The following ERI3 variants were observed in gnomAD, a reference collection of about 807,000 sequenced individuals.
The protein encoded by ERI3 is ERI1 exoribonuclease family member 3.
A neutral mutation model predicts 44.4 loss-of-function variants in ERI3; 18 were observed. The ratio of observed to expected loss-of-function variants is 0.41; its 90% CI spans 0.28 to 0.60. The LOEUF is 0.60. Among genes scored for constraint, ERI3 ranks in the 20% least tolerant of loss-of-function variants. The pLI is 0.36. For synonymous variants in ERI3, 183 were observed against 164.8 expected (o/e 1.11, Z -0.84); for missense variants, 294 against 435.5 (o/e 0.68, Z 2.89).
intron 4 of ERI3, among the ~76,000 whole-genome samples, chr1:44,318,997 C>T (rs1418123012): frequency 6.6e-6 from 1 of 152,184 alleles, no homozygotes. Context: ...TTTGAGCCTC[C>T]AGCAATCATT....
At chr1:44,248,120 C>T in intron 7 of ERI3, 82 bp from the exon 8 acceptor site, 5 of 859,858 alleles carry the variant, frequency 5.8e-6, no homozygotes. Flanking sequence ...CCCCACCCCC[C>T]AAATCTTTCC....
At chr1:44,267,809 GC>G (rs1436669001) in intron 7 of ERI3, among the ~76,000 whole-genome samples, 2 of 152,148 alleles carry the variant, frequency 1.3e-5, no homozygotes, top group Non-Finnish European at 2.9e-5. Flanking sequence ...AAGCCTACCT[GC>G]CCACACCCAC....
intron 6 of ERI3, among the ~76,000 whole-genome samples, 154 bp from the exon 7 acceptor site, chr1:44,285,061 C>T (rs1327460496): frequency 6.6e-6 from 1 of 152,154 alleles, no homozygotes; most frequent in Non-Finnish European, 1.5e-5. Context: ...GAAAGGGAAC[C>T]CCACCTCCAG....
intron 7 of ERI3, among the ~76,000 whole-genome samples, chr1:44,275,807 C>T (rs1557810828): frequency 6.6e-6 from 1 of 152,184 alleles, no homozygotes; most frequent in African/African-American, 2.4e-5. Flanking sequence ...CCAGGACTGA[C>T]TCAGAATCCT....
In ERI3 at chr1:44,248,302, G is replaced by T. The variant is rs190461745; in HGVS notation, c.832-264C>A. On this transcript the variant is annotated intron_variant, in intron 7 of 8. Transcript: ENST00000372257. The stretch of plus-strand genomic sequence containing the variant: ...GCCCCTCACCAGGACTCCTCTCTAA[G>T]GAGTTCCCGTTCACTAGGCTCCTCC... Among the ~76,000 whole-genome samples the T allele has an allele frequency of 1.4e-4, 22 of 152,194 alleles. No individual in the cohort carries two copies. In the East Asian group the frequency reaches 2.9e-3, roughly 20 times the overall value.
intron 2 of ERI3, among the ~76,000 whole-genome samples, chr1:44,348,057 A>T (rs753472844): frequency 2.4e-4 from 37 of 152,200 alleles, no homozygotes; most frequent in Admixed American, 2.6e-4. Context: ...AATGTTTGCT[A>T]AATGAATTAA....
At chr1:44,324,615 G>C (rs1038842884) in intron 3 of ERI3, among the ~76,000 whole-genome samples, 5 of 151,288 alleles carry the variant, frequency 3.3e-5, no homozygotes, top group Admixed American at 6.6e-5. Context: ...CCGAGTAGCT[G>C]GGACTACAGG....
At chr1:44,330,421 A>G (rs1030449366) in intron 3 of ERI3, among the ~76,000 whole-genome samples, 2 of 152,248 alleles carry the variant, frequency 1.3e-5, no homozygotes, top group Admixed American at 1.3e-4. Context: ...ATGCAGGGAC[A>G]GGACCCAAAC....
At chr1:44,321,757 A>G (rs1005095301) in intron 3 of ERI3, among the ~76,000 whole-genome samples, 1 of 152,158 alleles carries the variant, frequency 6.6e-6, no homozygotes, top group Non-Finnish European at 1.5e-5. Context: ...CCAGCTCCTC[A>G]CTAACAATGT....
At chr1:44,327,472 A>C (rs1646339894) in intron 3 of ERI3, among the ~76,000 whole-genome samples, 2 of 152,182 alleles carry the variant, frequency 1.3e-5, no homozygotes, top group African/African-American at 4.8e-5. Flanking sequence ...TTGAGCACTT[A>C]ATATGTTTAA....
intron 8 of ERI3, among the ~76,000 whole-genome samples, chr1:44,224,953 T>C (rs1223055030): frequency 1.3e-5 from 2 of 152,194 alleles, no homozygotes; most frequent in Admixed American, 1.3e-4. Flanking sequence ...ATTTTGTTTT[T>C]TAAAGTCTAT....
chr1:44,338,241 T>C (rs111874870), intron 3 of ERI3, among the ~76,000 whole-genome samples: 1 of 152,126 alleles, frequency 6.6e-6, no homozygotes, highest in Admixed American at 6.5e-5. Context: ...ACATCAATAA[T>C]CATTTGTTAT....
rs552287718 is a variant in ERI3, at chr1:44,221,473, C to T, written c.*85G>A. 18 of 1,119,906 alleles carry T rather than the reference C, an allele frequency of 1.6e-5. No individual in the cohort carries two copies. The highest frequency in any genetic ancestry group is 1.4e-4 in the Admixed American group (8 of 56,516). The allele number at this position is 1,119,906 out of a possible 1,614,324, so 69.4% of individuals were successfully genotyped here. ...TCTGGACACAGAGCTATGCCACTCT[C>T]CCTCTTCCCCTCTGGTGAGGGAGAG... On this transcript the variant is annotated 3_prime_UTR_variant, in exon 9 of 9. Coordinates refer to ENST00000372257, the MANE Select transcript of ERI3 (RefSeq NM_024066.3). The surrounding 1 kb of genome is among the most constrained non-coding windows in gnomAD (Gnocchi z 5.9).
chr1:44,281,274 C>T (rs991889222), intron 7 of ERI3, among the ~76,000 whole-genome samples: 2 of 152,134 alleles, frequency 1.3e-5, no homozygotes, highest in African/African-American at 4.8e-5. Context: ...CAGTACCTGG[C>T]ACACAGAAGG....
intron 6 of ERI3, among the ~76,000 whole-genome samples, chr1:44,297,563 A>G (rs1645636150): frequency 6.6e-6 from 1 of 152,168 alleles, no homozygotes; most frequent in South Asian, 2.1e-4. Context: ...GTTCAGGAGC[A>G]TAGTGGCTCA....
At chr1:44,238,842 C>A (rs555846680) in intron 8 of ERI3, among the ~76,000 whole-genome samples, 23 of 152,134 alleles carry the variant, frequency 1.5e-4, no homozygotes, top group Non-Finnish European at 3.1e-4. Flanking sequence ...AGAGTCCCCT[C>A]CTCCTCCTCC....
intron 3 of ERI3, chr1:44,322,862 C>G (rs1435418103): frequency 3.9e-6 from 6 of 1,546,586 alleles, no homozygotes; most frequent in Non-Finnish European, 5.2e-6. Flanking sequence ...TGAAGCATGA[C>G]AAACATTTTG....
intron 3 of ERI3, among the ~76,000 whole-genome samples, chr1:44,326,973 G>C (rs1646329120): frequency 6.6e-6 from 1 of 152,166 alleles, no homozygotes; most frequent in Non-Finnish European, 1.5e-5. Flanking sequence ...ATCCTCACCT[G>C]AGGTGTGCAC....
At chr1:44,230,081 AT>A (rs1188394971) in intron 8 of ERI3, among the ~76,000 whole-genome samples, 1 of 152,192 alleles carries the variant, frequency 6.6e-6, no homozygotes, top group African/African-American at 2.4e-5. Context: ...CTGATGATAA[AT>A]CCTGAGCCTC....
Sources: gnomAD v4.1 joint callset for allele counts (sites outside exome capture counted in the v4.1 genomes callset) on GRCh38, gnomAD v4.1.1 for gene constraint, Gnocchi (gnomAD v3.1) non-coding constraint, MANE v1.5 for transcripts, NCBI Gene and HGNC (gene_info 2026-07-23, HGNC 2026-07-21) for gene names.